The following ZNF541 variants were observed in gnomAD, a reference collection of about 807,000 sequenced individuals.
ZNF541 encodes the protein zinc finger protein 541.
ZNF541 carries 23 observed loss-of-function variants against 123.5 expected under a neutral mutation model. The observed-to-expected ratio is 0.19, with a 90% CI of 0.13 to 0.26. The LOEUF is 0.26. Among genes scored for constraint, ZNF541 ranks in the 10% least tolerant of loss-of-function variants. The pLI is 1.00. For missense variants in ZNF541, 1,612 were observed against 1,789.9 expected (o/e 0.90, Z 1.79); for synonymous variants, 751 against 754.5 (o/e 1.00, Z 0.08).
Position 47,526,966 on chromosome 19 carries a change from T to C in ZNF541, c.3570+1984A>G, listed in dbSNP as rs148264166. ...AGGCAAATGATTCTTTAAACCGTGG[T>C]ACATCCACCCAGTGGAATACTATTC... On this transcript the variant is annotated intron_variant, in intron 14 of 16. Coordinates refer to ENST00000391901, the MANE Select transcript of ZNF541 (RefSeq NM_001277075.3). Among the ~76,000 whole-genome samples the C allele has an allele frequency of 6.9e-4, 105 of 152,292 alleles. No individual in the cohort carries two copies. In the East Asian group the frequency reaches 9.3e-3, roughly 13 times the overall value.
intron 14 of ZNF541, among the ~76,000 whole-genome samples, 172 bp from the exon 15 acceptor site, chr19:47,522,166 G>A (rs557496560): frequency 3.3e-5 from 5 of 152,240 alleles, no homozygotes; most frequent in South Asian, 2.1e-4. Context: ...TCCTGGGGAC[G>A]AGGGCGTTCA....
At chr19:47,557,688 T>C (rs1970879698) in intron 2 of ZNF541, among the ~76,000 whole-genome samples, 1 of 151,948 alleles carries the variant, frequency 6.6e-6, no homozygotes, top group Non-Finnish European at 1.5e-5. Context: ...AAAATTAAAA[T>C]ATCAGCCAGG....
chr19:47,521,832 G>T lies in ZNF541; in HGVS notation c.3711+22C>A, dbSNP rs976868088. The T allele has an allele frequency of 6.5e-7, 1 of 1,548,342 alleles. No homozygotes were observed. Among genetic ancestry groups the T allele is most frequent in the East Asian group, 2.4e-5 (1 of 40,878 alleles). ...GCACTGGGAGGAGAGAAGAGCTCCCGACACAGCCCTGGTTCCTCTACCTTT... is the reference window on the plus strand; with the variant it reads ...GCACTGGGAGGAGAGAAGAGCTCCCTACACAGCCCTGGTTCCTCTACCTTT... On this transcript the variant is annotated intron_variant, in intron 15 of 16. Transcript: ENST00000391901. The surrounding 1 kb of genome is among the most constrained non-coding windows in gnomAD (Gnocchi z 4.2).
rs1168960152 is a variant in ZNF541, at chr19:47,545,332, G to A, written c.1197C>T (p.Gly399=). The A allele has an allele frequency of 2.6e-6, 4 of 1,547,728 alleles. No individual in the cohort carries two copies. The highest frequency in any genetic ancestry group is 3.5e-6 in the Non-Finnish European group (4 of 1,145,850). Residue 399 remains glycine, a synonymous_variant, in exon 5 of 17, where the codon GGC becomes GGT. Coordinates refer to ENST00000391901, the MANE Select transcript of ZNF541 (RefSeq NM_001277075.3). This position sits in a 1 kb window ranked among gnomAD's most constrained non-coding sequence, Gnocchi z 7.5. ...GCTGGGAACTGGCAGGGACCGTCTG[G>A]CCTCGGAAGAGAGGCAGGCAGGCAG... ...SVPACLPLFR[G]QTVPASSQPS...
chr19:47,566,328 AAAT>A (rs1396776102), intron 2 of ZNF541, among the ~76,000 whole-genome samples: 19 of 152,182 alleles, frequency 1.2e-4, no homozygotes. Context: ...CACAATAGAT[AAAT>A]AATATTTACT....
At chr19:47,522,829 C>T (rs1969102054) in intron 14 of ZNF541, among the ~76,000 whole-genome samples, 1 of 151,130 alleles carries the variant, frequency 6.6e-6, no homozygotes, top group Non-Finnish European at 1.5e-5. Flanking sequence ...TCACTGCAAC[C>T]TCCGCCTCCC....
In ZNF541 at chr19:47,521,112, A is replaced by G. The variant is rs1969002889; in HGVS notation, c.*112T>C. The G allele has an allele frequency of 1.5e-6, 2 of 1,373,860 alleles. No individual in the cohort carries two copies. The highest frequency in any genetic ancestry group is 1.5e-5 in the South Asian group (1 of 68,234). 85.1% of individuals were successfully genotyped at this position (1,373,860 alleles called of 1,614,324 possible). A position where few individuals can be genotyped will look rare whatever the true frequency, so the allele number is the denominator to read the frequency against. On this transcript the variant is annotated 3_prime_UTR_variant, in exon 17 of 17. Coordinates refer to ENST00000391901, the MANE Select transcript of ZNF541 (RefSeq NM_001277075.3). The surrounding 1 kb of genome is among the most constrained non-coding windows in gnomAD (Gnocchi z 4.2). The stretch of plus-strand genomic sequence containing the variant: ...TCCATGTTTGCAGGCAGGTTGGCCA[A>G]CAGGGGACAGGGAGGGTGGGGGGAG...
At chr19:47,525,498 C>T (rs1478229364) in intron 14 of ZNF541, among the ~76,000 whole-genome samples, 2 of 151,864 alleles carry the variant, frequency 1.3e-5, no homozygotes, top group Non-Finnish European at 2.9e-5. Flanking sequence ...TTTGTCTTTT[C>T]AACAAAAGGT....
At chr19:47,522,136 G>GAC in intron 14 of ZNF541, 142 bp from the exon 15 acceptor site, 1 of 1,111,742 alleles carries the variant, frequency 9.0e-7, no homozygotes. Flanking sequence ...CACCACAAAG[G>GAC]CACAGGACCA....
At chr19:47,522,946 A>T (rs1298379030) in intron 14 of ZNF541, among the ~76,000 whole-genome samples, 1 of 151,098 alleles carries the variant, frequency 6.6e-6, no homozygotes, top group Non-Finnish European at 1.5e-5. Flanking sequence ...GGGTTTCACC[A>T]TGTTGGCCAG....
intron 2 of ZNF541, among the ~76,000 whole-genome samples, chr19:47,571,504 G>A (rs1156462192): frequency 1.3e-5 from 2 of 152,168 alleles, no homozygotes; most frequent in Non-Finnish European, 2.9e-5. Flanking sequence ...CAAAGAAATC[G>A]AAAGTTCTGG....
chr19:47,537,079 AG>A (rs1969855820), intron 9 of ZNF541, among the ~76,000 whole-genome samples: 1 of 152,186 alleles, frequency 6.6e-6, no homozygotes, highest in African/African-American at 2.4e-5. Flanking sequence ...TGGGGGAAGA[AG>A]GGACTGTGGG....
intron 2 of ZNF541, among the ~76,000 whole-genome samples, chr19:47,560,794 C>T (rs1424536362): frequency 2.6e-5 from 4 of 152,086 alleles, no homozygotes; most frequent in Non-Finnish European, 5.9e-5. Flanking sequence ...TTCATAACTG[C>T]CCAAAACTGG....
chr19:47,544,684 A>G lies in ZNF541; in HGVS notation c.1845T>C (p.Pro615=). Residue 615 remains proline (P), a synonymous_variant, in exon 5 of 17, where the codon CCT becomes CCC. Transcript: ENST00000391901. ...APAVDSLHAG[P]GNPEAEGSPA... is the part of the protein sequence containing the mutation. ...GGGAGCCCTCTGCCTCGGGGTTTCC[A>G]GGGCCGGCGTGGAGAGAGTCCACAG... 1 of 1,526,714 alleles carries G rather than the reference A, an allele frequency of 6.6e-7. No individual in the cohort carries two copies. Among genetic ancestry groups the G allele is most frequent in the Non-Finnish European group, 8.8e-7 (1 of 1,138,356 alleles). 94.6% of individuals were successfully genotyped at this position (1,526,714 alleles called of 1,614,324 possible).
chr19:47,565,162 G>C (rs1246296561), intron 2 of ZNF541, among the ~76,000 whole-genome samples: 1 of 152,028 alleles, frequency 6.6e-6, no homozygotes, highest in Admixed American at 6.6e-5. Flanking sequence ...GGGGGGAAAG[G>C]GTGGGAGGGG....
chr19:47,558,577 TACTC>T (rs1373013655), intron 2 of ZNF541, among the ~76,000 whole-genome samples: 5 of 151,868 alleles, frequency 3.3e-5, no homozygotes, highest in Admixed American at 1.3e-4. Flanking sequence ...TACCAAAACT[TACTC>T]AAGAAGAAAC....
chr19:47,552,372 G>C (rs1970634145), intron 3 of ZNF541, among the ~76,000 whole-genome samples: 1 of 152,098 alleles, frequency 6.6e-6, no homozygotes, highest in Non-Finnish European at 1.5e-5. Flanking sequence ...TCCCAATCCT[G>C]CCTGTGGCCA....
chr19:47,529,708 G>A, intron 12 of ZNF541, 56 bp from the exon 13 acceptor site: 1 of 1,468,496 alleles, frequency 6.8e-7, no homozygotes, highest in Non-Finnish European at 9.3e-7. Context: ...GAGGACCACA[G>A]GCATCCTCCC....
At chr19:47,563,768 G>C (rs1051745663) in intron 2 of ZNF541, among the ~76,000 whole-genome samples, 5 of 152,028 alleles carry the variant, frequency 3.3e-5, no homozygotes, top group African/African-American at 1.2e-4. Flanking sequence ...ACCACGCCTG[G>C]CAAATTTTTG....
Sources: gnomAD v4.1 joint callset for allele counts (sites outside exome capture counted in the v4.1 genomes callset) on GRCh38, gnomAD v4.1.1 for gene constraint, Gnocchi (gnomAD v3.1) non-coding constraint, MANE v1.5 for transcripts, NCBI Gene and HGNC (gene_info 2026-07-23, HGNC 2026-07-21) for gene names.